TNS3: variants seen among roughly 807,000 people sequenced by gnomAD.
The protein encoded by TNS3 is tensin-3.
Under a neutral mutation model 140.9 loss-of-function variants are expected in TNS3, and 45 were observed. The observed-to-expected ratio is 0.32, with a 90% confidence interval of 0.25 to 0.41. The LOEUF (loss-of-function observed/expected upper bound fraction) is 0.41. Ranked by LOEUF, TNS3 falls within the 10% of genes least tolerant of loss-of-function variation. The pLI, the probability that TNS3 is intolerant of heterozygous loss-of-function variation, is 1.00. For synonymous variants in TNS3, 815 were observed against 788.4 expected, an observed-to-expected ratio of 1.03 and a Z score of -0.56; for missense variants, 1,716 against 1,906.7, an observed-to-expected ratio of 0.90 and a Z score of 1.86.
intron 1 of TNS3, chr7:47,579,683 T>A (rs4720599): frequency 9.5e-6 from 2 of 210,942 alleles, no homozygotes; most frequent in African/African-American, 4.7e-5. Context: ...ATGGGGCACA[T>A]AGAGTCAGAG....
intron 20 of TNS3, among the ~76,000 whole-genome samples, chr7:47,306,024 AAT>A (rs1786729816): frequency 6.6e-6 from 1 of 152,206 alleles, no homozygotes; most frequent in East Asian, 1.9e-4. Context: ...ACATGCTTGA[AAT>A]ATGTGTTATT....
chr7:47,516,629 C>G (rs1488802659), intron 2 of TNS3, among the ~76,000 whole-genome samples: 3 of 152,052 alleles, frequency 2.0e-5, no homozygotes, highest in Non-Finnish European at 4.4e-5. Flanking sequence ...AGCAGCACCC[C>G]CTACCCTGCT....
intron 17 of TNS3, among the ~76,000 whole-genome samples, chr7:47,357,544 G>A (rs563200381): frequency 2.2e-4 from 33 of 152,292 alleles, no homozygotes; most frequent in Non-Finnish European, 3.8e-4. Flanking sequence ...CCTTCCACGT[G>A]GAGGGCATAG....
intron 2 of TNS3, among the ~76,000 whole-genome samples, chr7:47,512,035 G>A (rs548606801): frequency 1.2e-4 from 18 of 152,220 alleles, no homozygotes; most frequent in South Asian, 2.1e-4. Flanking sequence ...TTCTCACTCC[G>A]TTGCACGAAC....
intron 1 of TNS3, among the ~76,000 whole-genome samples, chr7:47,576,933 G>A (rs76117602): frequency 7.5e-4 from 115 of 152,362 alleles, no homozygotes; most frequent in Admixed American, 1.1e-3. Context: ...GACACTTCCC[G>A]AGGACTTTCT....
intron 1 of TNS3, among the ~76,000 whole-genome samples, chr7:47,534,302 G>T (rs1799524493): frequency 6.6e-6 from 1 of 151,760 alleles, no homozygotes; most frequent in Admixed American, 6.6e-5. Flanking sequence ...AATAAAGTAG[G>T]GGAAAGAGTC....
At chr7:47,328,114 C>T (rs1024622267) in intron 20 of TNS3, among the ~76,000 whole-genome samples, 11 of 152,266 alleles carry the variant, frequency 7.2e-5, no homozygotes, top group African/African-American at 1.7e-4. Flanking sequence ...CCAGCGGTGG[C>T]GTCCCCCACC....
chr7:47,344,828 C>T lies in TNS3; in HGVS notation c.2577G>A (p.Ala859=), dbSNP rs369474794. Residue 859 remains alanine, a synonymous_variant, in exon 20 of 31, where the codon GCG becomes GCA. Transcript: ENST00000311160. ...GTGGGCTGAACGGAGGATGGCGCAG[C>T]GCTGTTTTCACTGGAAAAGAAAGCA... ...VSPETPYVKT[A]LRHPPFSPPE... is the part of the protein sequence containing the mutation. 19 of 1,613,752 alleles carry T rather than the reference C, an allele frequency of 1.2e-5. No homozygotes were observed. Among genetic ancestry groups the T allele is most frequent in the South Asian group, 4.4e-5 (4 of 91,072 alleles).
chr7:47,355,419 G>A (rs1562629284), intron 17 of TNS3, among the ~76,000 whole-genome samples: 1 of 152,090 alleles, frequency 6.6e-6, no homozygotes. Context: ...TCCTTGACTG[G>A]GGGCACCCAG....
chr7:47,368,298 T>G (rs1790823392), intron 17 of TNS3, 67 bp downstream of exon 17: 1 of 1,384,420 alleles, frequency 7.2e-7, no homozygotes, highest in Non-Finnish European at 9.4e-7. Flanking sequence ...TAGGCTGATT[T>G]CTCATCACAC....
chr7:47,502,017 A>C (rs1221752212), intron 3 of TNS3, among the ~76,000 whole-genome samples: 4 of 152,222 alleles, frequency 2.6e-5, no homozygotes, highest in Non-Finnish European at 5.9e-5. Context: ...CATACGAGCA[A>C]GGTGGGCTAA....
intron 20 of TNS3, among the ~76,000 whole-genome samples, chr7:47,315,584 G>T (rs1429627806): frequency 2.6e-5 from 4 of 152,218 alleles, no homozygotes; most frequent in Non-Finnish European, 5.9e-5. Context: ...CTATTTACAT[G>T]ACATATAAGT....
chr7:47,563,861 T>C (rs974440782), intron 1 of TNS3, among the ~76,000 whole-genome samples: 3 of 152,226 alleles, frequency 2.0e-5, no homozygotes, highest in African/African-American at 7.2e-5. Context: ...TTAGTCAAAC[T>C]TCAGTCTAGA....
intron 16 of TNS3, among the ~76,000 whole-genome samples, chr7:47,396,397 A>G (rs1396915703): frequency 6.6e-6 from 1 of 152,208 alleles, no homozygotes; most frequent in East Asian, 1.9e-4. Flanking sequence ...TTAAAACAAG[A>G]TGTCTGTTGC....
At position 47,327,489 on chromosome 7, in the gene TNS3, C is replaced by G. The variant is rs369914051; in HGVS notation, c.2650+17266G>C. Among the ~76,000 whole-genome samples the G allele has an allele frequency of 2.0e-4, 31 of 152,250 alleles. No individual in the cohort carries two copies. The East Asian group carries it at 5.0e-3, about 25-fold the overall frequency. ...CCGCTGCCCGGGATCCCTCAAGGGC[C>G]CTGGAACTGGGGTGGGGGCGGTGAC... is the stretch of plus-strand genomic sequence containing the variant. On this transcript the variant is annotated intron_variant, in intron 20 of 30. Transcript: ENST00000311160.
chr7:47,412,361 G>A (rs763894261), intron 12 of TNS3, among the ~76,000 whole-genome samples: 2 of 152,250 alleles, frequency 1.3e-5, no homozygotes, highest in Non-Finnish European at 2.9e-5. Context: ...GCTCACGCCT[G>A]TAATCCCAGC....
intron 16 of TNS3, among the ~76,000 whole-genome samples, chr7:47,389,756 C>T (rs1792401828): frequency 6.6e-6 from 1 of 152,232 alleles, no homozygotes. Flanking sequence ...GGAAGATTTG[C>T]TGTTTGGTCT....
intron 15 of TNS3, among the ~76,000 whole-genome samples, chr7:47,399,762 C>T (rs1336197069): frequency 6.6e-6 from 1 of 152,154 alleles, no homozygotes; most frequent in Admixed American, 6.5e-5. Context: ...GGACATTTGC[C>T]TAGGCAAATA....
At chr7:47,364,498 T>C (rs1257415475) in intron 17 of TNS3, among the ~76,000 whole-genome samples, 1 of 152,134 alleles carries the variant, frequency 6.6e-6, no homozygotes, top group Non-Finnish European at 1.5e-5. Context: ...GCCAGGCTGG[T>C]CTTGAACTCC....
Sources: gnomAD v4.1 joint callset for allele counts (sites outside exome capture counted in the v4.1 genomes callset) on GRCh38, gnomAD v4.1.1 for gene constraint, MANE v1.5 for transcripts, NCBI Gene and HGNC (gene_info 2026-07-23, HGNC 2026-07-21) for gene names.